The following SUGP2 variants were observed in gnomAD, a reference collection of about 807,000 sequenced individuals.
SUGP2 encodes SURP and G-patch domain-containing protein 2.
In SUGP2, 24 loss-of-function variants were observed where a neutral mutation model predicts 90.5. The ratio of observed to expected loss-of-function variants is 0.27; its 90% CI spans 0.19 to 0.37. SUGP2 has a LOEUF of 0.37. SUGP2 is among the 10% of genes least tolerant of loss of function. The pLI is 1.00. For synonymous variants in SUGP2, 473 were observed against 513.4 expected, an observed-to-expected ratio of 0.92 and a Z score of 1.06; for missense variants, 1,233 against 1,363.3, an observed-to-expected ratio of 0.90 and a Z score of 1.51.
intron 4 of SUGP2, among the ~76,000 whole-genome samples, chr19:19,014,070 T>G (rs985879365): frequency 6.6e-6 from 1 of 152,200 alleles, no homozygotes; most frequent in African/African-American, 2.4e-5. Flanking sequence ...CTCAGCTCAC[T>G]GCAACCTCTG....
intron 8 of SUGP2, among the ~76,000 whole-genome samples, chr19:19,000,851 A>G (rs562329515): frequency 8.5e-4 from 129 of 151,292 alleles, no homozygotes; most frequent in Middle Eastern, 3.5e-3. Flanking sequence ...GACTACAGGC[A>G]TGCACCACCA....
At position 19,028,566 on chromosome 19, in the gene SUGP2, G is replaced by A. The variant is rs567549668; in HGVS notation, c.122-2340C>T. 2.0e-5 allele frequency among the ~76,000 whole-genome samples: 3 copies of A among 152,384 alleles called. No individual in the cohort carries two copies. In the South Asian group the frequency reaches 6.2e-4, roughly 32 times the overall value. On this transcript the variant is annotated intron_variant, in intron 2 of 10. Coordinates refer to ENST00000452918, the MANE Select transcript of SUGP2 (RefSeq NM_001017392.5). ...GAGAATTTTCTCATACCCTTTATGA[G>A]GAGATGAAAAGTTCAGAGTGGAGCA...
In SUGP2 at chr19:19,025,674, A is replaced by G; in HGVS notation, c.674T>C (p.Leu225Pro). The G allele has an allele frequency of 6.2e-7, 1 of 1,613,980 alleles. No individual in the cohort carries two copies. Among genetic ancestry groups the G allele is most frequent in the East Asian group, 2.2e-5 (1 of 44,876 alleles). The change falls in exon 3 of 11, where the codon CTC becomes CCC. Residue 225 changes from leucine to proline, a missense_variant. By Grantham distance (98) the Leu-to-Pro change is moderately conservative. This residue lies in a region of SUGP2 where 418 missense variants were observed against 399.9 expected (regional missense o/e 1.05). Coordinates refer to ENST00000452918, the MANE Select transcript of SUGP2 (RefSeq NM_001017392.5). ...ALNIVDQEGS[L>P]LGKGETQGLL... is the part of the protein sequence containing the mutation. The stretch of plus-strand genomic sequence containing the variant: ...GCCCTGAGTCTCCCCCTTTCCTAGG[A>G]GGGAACCTTCCTGGTCAACGATGTT...
In SUGP2 at chr19:18,995,153, G is replaced by A. The variant is rs1311373643; in HGVS notation, c.3119C>T (p.Pro1040Leu). The A allele has an allele frequency of 2.9e-6, 4 of 1,360,090 alleles. No individual in the cohort carries two copies. The highest frequency in any genetic ancestry group is 4.1e-5 in the East Asian group (1 of 24,232). 84.3% of individuals were successfully genotyped at this position (1,360,090 alleles called of 1,614,324 possible). ...LGSLGKGIRE[P>L]VSVGTPSEGE... ...GCTGCCTGCTGCGTACACGCTGACCGGCTCCCTGATGCCCTTTCCGAGGGA... is the reference window on the plus strand; with the variant it reads ...GCTGCCTGCTGCGTACACGCTGACCAGCTCCCTGATGCCCTTTCCGAGGGA... The change falls in exon 9 of 11, where the codon CCG becomes CTG. Residue 1040 changes from proline (P) to leucine (L), a missense_variant. Pro to Leu is a moderately conservative substitution (Grantham distance 98). This residue lies in a region of SUGP2 where 105 missense variants were observed against 155.2 expected (regional missense o/e 0.68). Transcript: ENST00000452918.
At chr19:18,994,901 A>T in intron 9 of SUGP2, 1 of 591,840 alleles carries the variant, frequency 1.7e-6, no homozygotes, top group Non-Finnish European at 3.0e-6. Flanking sequence ...GATGGTCACA[A>T]ATGTGGCCAA....
At chr19:18,995,404 C>T in intron 8 of SUGP2, 124 bp from the exon 9 acceptor site, 2 of 1,156,404 alleles carry the variant, frequency 1.7e-6, no homozygotes, top group Non-Finnish European at 2.3e-6. Context: ...GATGCTCAGG[C>T]TCAAGCTCCA....
chr19:19,004,905 T>C (rs2058002143), intron 6 of SUGP2, among the ~76,000 whole-genome samples: 1 of 152,224 alleles, frequency 6.6e-6, no homozygotes, highest in Admixed American at 6.5e-5. Flanking sequence ...GAACAAGGTA[T>C]GCAGGGCTTG....
chr19:19,005,167 G>A (rs574914611), intron 6 of SUGP2, among the ~76,000 whole-genome samples: 1 of 152,306 alleles, frequency 6.6e-6, no homozygotes, highest in Admixed American at 6.5e-5. Context: ...ACCTACATGG[G>A]CGTGGAGATG....
intron 3 of SUGP2, among the ~76,000 whole-genome samples, chr19:19,023,283 C>T (rs1015383997): frequency 3.9e-5 from 6 of 152,192 alleles, no homozygotes; most frequent in African/African-American, 1.2e-4. Flanking sequence ...GGAGCCTCTC[C>T]TGTGTCGCTT....
intron 10 of SUGP2, chr19:18,994,158 G>T: frequency 1.5e-6 from 1 of 645,340 alleles, no homozygotes; most frequent in Non-Finnish European, 2.5e-6. Context: ...GCCAGTGTGA[G>T]GTTTGCTCCT....
chr19:18,994,227 C>T, intron 10 of SUGP2, 139 bp downstream of exon 10: 1 of 1,202,136 alleles, frequency 8.3e-7, no homozygotes, highest in Non-Finnish European at 1.2e-6. Flanking sequence ...CTTTTGTTTC[C>T]CTCACAGAAT....
At chr19:18,994,842 G>A in intron 9 of SUGP2, 1 of 545,862 alleles carries the variant, frequency 1.8e-6, no homozygotes, top group Non-Finnish European at 3.3e-6. Flanking sequence ...CCGGGAATGG[G>A]AAAGCAGTTC....
chr19:19,005,709 C>G (rs2058035810), intron 6 of SUGP2, among the ~76,000 whole-genome samples: 1 of 152,218 alleles, frequency 6.6e-6, no homozygotes, highest in South Asian at 2.1e-4. Flanking sequence ...GGGTCTCACT[C>G]TGTCGTCCAG....
chr19:19,026,506 A>C (rs1037809562), intron 2 of SUGP2, among the ~76,000 whole-genome samples: 1 of 152,158 alleles, frequency 6.6e-6, no homozygotes, highest in African/African-American at 2.4e-5. Flanking sequence ...TAGCAGCCTG[A>C]CGGGCAAGAC....
At position 19,024,687 on chromosome 19, in the gene SUGP2, T is replaced by G; in HGVS notation, c.1661A>C (p.Glu554Ala). 6.2e-7 allele frequency: 1 copy of G among 1,614,216 alleles called. No individual in the cohort carries two copies. Among genetic ancestry groups the G allele is most frequent in the Non-Finnish European group, 8.5e-7 (1 of 1,180,048 alleles). The stretch of plus-strand genomic sequence containing the variant: ...CGTAGGAGGAATCATTTTCTCCTCC[T>G]CTCGCATCGGCTCTGGTTCGGCTTT... ...VKKAEPEPMREEEKMIPPTKP... is the reference protein window; with the variant it reads ...VKKAEPEPMRAEEKMIPPTKP... Residue 554 changes from glutamate to alanine, a missense_variant, in exon 3 of 11, where the codon GAG (glutamate) becomes GCG (alanine). Physicochemically the swap from Glu to Ala is moderately radical, Grantham distance 107. Coordinates refer to ENST00000452918, the MANE Select transcript of SUGP2 (RefSeq NM_001017392.5).
chr19:19,020,155 C>A (rs779329088), intron 3 of SUGP2, among the ~76,000 whole-genome samples: 15 of 151,804 alleles, frequency 9.9e-5, no homozygotes, highest in Admixed American at 2.0e-4. Context: ...TTTGGCCAGG[C>A]ACAGTGGCTC....
At chr19:18,994,758 G>A in intron 9 of SUGP2, 1 of 540,892 alleles carries the variant, frequency 1.8e-6, no homozygotes, top group East Asian at 3.2e-5. Context: ...TGAAATGCCT[G>A]CTGGAGGTTA....
chr19:18,996,067 A>C (rs1447078315), intron 8 of SUGP2, among the ~76,000 whole-genome samples: 2 of 152,070 alleles, frequency 1.3e-5, no homozygotes, highest in Non-Finnish European at 2.9e-5. Context: ...GCAGTCCAAG[A>C]CCTTGCCATG....
At chr19:19,028,574 A>G (rs774223185) in intron 2 of SUGP2, among the ~76,000 whole-genome samples, 18 of 152,354 alleles carry the variant, frequency 1.2e-4, no homozygotes, top group Admixed American at 2.6e-4. Context: ...GAGGAGATGA[A>G]AAGTTCAGAG....
Sources: gnomAD v4.1 joint callset for allele counts (sites outside exome capture counted in the v4.1 genomes callset) on GRCh38, gnomAD v4.1.1 for gene constraint, gnomAD v4.1.1 regional missense constraint, MANE v1.5 for transcripts, NCBI Gene and HGNC (gene_info 2026-07-23, HGNC 2026-07-21) for gene names.